The following CTIF variants were observed in gnomAD, a reference collection of about 807,000 sequenced individuals.
CTIF encodes CBP80/20-dependent translation initiation factor.
Under a neutral mutation model 66.0 loss-of-function variants are expected in CTIF, and 21 were observed. The ratio of observed to expected loss-of-function variants is 0.32; its 90% CI spans 0.23 to 0.46. The LOEUF is 0.46. Among genes scored for constraint, CTIF ranks in the 20% least tolerant of loss-of-function variants. CTIF has a pLI of 1.00. For missense variants in CTIF, 739 were observed against 812.7 expected (o/e 0.91, Z 1.10); for synonymous variants, 345 against 326.4 (o/e 1.06, Z -0.62).
At chr18:48,637,149 C>G (rs897982438) in intron 3 of CTIF, among the ~76,000 whole-genome samples, 2 of 152,184 alleles carry the variant, frequency 1.3e-5, no homozygotes, top group East Asian at 3.9e-4. Context: ...GGAGGGGCAG[C>G]CTGTGGGGGA....
At chr18:48,563,460 GT>G (rs975007134) in intron 1 of CTIF, among the ~76,000 whole-genome samples, 2 of 151,852 alleles carry the variant, frequency 1.3e-5, no homozygotes, top group East Asian at 1.9e-4. Context: ...CTGTTCTAAG[GT>G]TTTTTTTGTT....
At chr18:48,857,328 C>A (rs1183563682) in intron 10 of CTIF, among the ~76,000 whole-genome samples, 2 of 152,246 alleles carry the variant, frequency 1.3e-5, no homozygotes, top group African/African-American at 2.4e-5. Context: ...GTGTTCAGAC[C>A]TGGCCCAGGG....
At chr18:48,652,374 G>C (rs1369674470) in intron 3 of CTIF, among the ~76,000 whole-genome samples, 1 of 152,158 alleles carries the variant, frequency 6.6e-6, no homozygotes, top group Non-Finnish European at 1.5e-5. Flanking sequence ...AAATAAACTA[G>C]AAAATCTAGA....
At chr18:48,723,500 G>A (rs970784024) in intron 7 of CTIF, among the ~76,000 whole-genome samples, 5 of 152,142 alleles carry the variant, frequency 3.3e-5, no homozygotes, top group African/African-American at 7.2e-5. Context: ...GGAAGCCCTC[G>A]AAACTGACCA....
At chr18:48,816,035 C>A (rs934538046) in intron 9 of CTIF, among the ~76,000 whole-genome samples, 1 of 152,176 alleles carries the variant, frequency 6.6e-6, no homozygotes, top group African/African-American at 2.4e-5. Context: ...CCATAAAAAT[C>A]TCAGTGGCAC....
chr18:48,770,174 C>G (rs1414086628), intron 9 of CTIF, among the ~76,000 whole-genome samples: 1 of 152,252 alleles, frequency 6.6e-6, no homozygotes, highest in Non-Finnish European at 1.5e-5. Context: ...GTGCCCAGAA[C>G]AGCAGCATGC....
rs577683961 is a variant in CTIF at position 48,580,328 on chromosome 18, G to C, written c.-28-39210G>C. Among the ~76,000 whole-genome samples the C allele has an allele frequency of 6.1e-4, 93 of 152,334 alleles. 3 individuals are homozygous for C. In the South Asian group the frequency reaches 0.019, roughly 31 times the overall value. ...ATCTCCAATCAGCAAACAAGAGTTA[G>C]AGCAGAGGGATAGTGTAGCCTCAGG... On this transcript the variant is annotated intron_variant, in intron 1 of 11. Transcript: ENST00000256413.
chr18:48,598,748 A>G (rs566612516), intron 1 of CTIF, among the ~76,000 whole-genome samples: 1 of 152,300 alleles, frequency 6.6e-6, no homozygotes, highest in African/African-American at 2.4e-5. Context: ...TAGCACCAAT[A>G]AGGACATCAG....
At chr18:48,657,653 A>G (rs546496966) in intron 3 of CTIF, among the ~76,000 whole-genome samples, 28 of 152,262 alleles carry the variant, frequency 1.8e-4, no homozygotes, top group African/African-American at 6.5e-4. Flanking sequence ...TATGAGGTTC[A>G]CAGGGTGTGG....
At chr18:48,541,906 C>T (rs2088629918) in intron 1 of CTIF, among the ~76,000 whole-genome samples, 2 of 151,846 alleles carry the variant, frequency 1.3e-5, no homozygotes, top group Non-Finnish European at 2.9e-5. Context: ...GTATTAGCCC[C>T]ATTTTACGGA....
intron 9 of CTIF, among the ~76,000 whole-genome samples, chr18:48,816,448 T>G (rs1360779301): frequency 6.6e-6 from 1 of 152,216 alleles, no homozygotes; most frequent in Non-Finnish European, 1.5e-5. Flanking sequence ...CTCCACACCT[T>G]AGCTATATTA....
At chr18:48,756,501 A>G (rs1172823501) in intron 7 of CTIF, among the ~76,000 whole-genome samples, 1 of 152,252 alleles carries the variant, frequency 6.6e-6, no homozygotes, top group Non-Finnish European at 1.5e-5. Flanking sequence ...CATGCAATGC[A>G]ATGAAGGTCT....
chr18:48,680,737 GTCC>G (rs1277190143), intron 6 of CTIF, among the ~76,000 whole-genome samples: 1 of 152,260 alleles, frequency 6.6e-6, no homozygotes, highest in African/African-American at 2.4e-5. Flanking sequence ...TTGCTTGCCG[GTCC>G]AGCATCTTCC....
intron 2 of CTIF, 81 bp downstream of exon 2, chr18:48,619,826 A>T (rs1384125662): frequency 9.0e-6 from 12 of 1,327,690 alleles, no homozygotes; most frequent in African/African-American, 1.5e-5. Context: ...GGCAGCATCC[A>T]GTTGCCTGAC....
At chr18:48,847,650 T>C (rs1175796705) in intron 10 of CTIF, among the ~76,000 whole-genome samples, 1 of 152,240 alleles carries the variant, frequency 6.6e-6, no homozygotes, top group Non-Finnish European at 1.5e-5. Context: ...AATAACACCT[T>C]ACGTTTGAAT....
At chr18:48,750,790 G>A (rs937850266) in intron 7 of CTIF, among the ~76,000 whole-genome samples, 4 of 152,208 alleles carry the variant, frequency 2.6e-5, no homozygotes, top group Non-Finnish European at 5.9e-5. Context: ...GCTGCCATAG[G>A]ACAGCCCACA....
chr18:48,793,055 G>A (rs2067829003), intron 9 of CTIF, among the ~76,000 whole-genome samples: 1 of 152,056 alleles, frequency 6.6e-6, no homozygotes, highest in African/African-American at 2.4e-5. Context: ...AGCAGAAGCT[G>A]TGTCTCCAGT....
chr18:48,727,383 G>C (rs1057254301), intron 7 of CTIF, among the ~76,000 whole-genome samples: 1 of 152,176 alleles, frequency 6.6e-6, no homozygotes, highest in Non-Finnish European at 1.5e-5. Context: ...TTCTGCCTCT[G>C]AGTCATCCTT....
In CTIF at chr18:48,850,493, A is replaced by G. The variant is rs1361556377; in HGVS notation, c.1528-7095A>G. On this transcript the variant is annotated intron_variant, in intron 10 of 11. Transcript: ENST00000256413. Reference sequence around the variant, plus strand: ...TTATCCCCAAAATGAGCTGTCTCTTAGGAAATCAGAGCCCTGAAGAAATGG... The same window carrying G: ...TTATCCCCAAAATGAGCTGTCTCTTGGGAAATCAGAGCCCTGAAGAAATGG... 3.9e-5 allele frequency among the ~76,000 whole-genome samples: 6 copies of G among 152,354 alleles called. No individual in the cohort carries two copies. In the East Asian group the frequency reaches 1.2e-3, roughly 29 times the overall value.
Sources: allele counts gnomAD v4.1 joint callset (sites outside exome capture counted in the v4.1 genomes callset), GRCh38; gene constraint gnomAD v4.1.1; transcripts MANE v1.5; gene names NCBI Gene and HGNC (gene_info 2026-07-23, HGNC 2026-07-21).